The following LDAF1 variants were observed in gnomAD, a reference collection of about 807,000 sequenced individuals.
The protein encoded by LDAF1 is PROMETHIN.
In LDAF1, 7 loss-of-function variants were observed where a neutral mutation model predicts 13.5. That is an observed-to-expected ratio of 0.52 (90% CI 0.29 to 0.97). The LOEUF (loss-of-function observed/expected upper bound fraction) is 0.97, where lower values mean the gene tolerates loss of function less well. LDAF1 is among the 50% of genes least tolerant of loss of function. The pLI is 0.07. For missense variants in LDAF1, 148 were observed against 193.2 expected, an observed-to-expected ratio of 0.77 and a Z score of 1.39; for synonymous variants, 69 against 77.1, an observed-to-expected ratio of 0.89 and a Z score of 0.55.
At position 21,170,361 on chromosome 16, in the gene LDAF1, C is replaced by G. The variant is rs1222609430; in HGVS notation, c.97-76C>G. On this transcript the variant is annotated intron_variant, in intron 2 of 4. Coordinates refer to ENST00000233047, the MANE Select transcript of LDAF1 (RefSeq NM_001301771.2). ...TTTACGACTTCTGCCTTGTAATTCC[C>G]ACAGCTTGGGCAGATTCATTCAACC... The G allele has an allele frequency of 6.9e-6, 11 of 1,588,476 alleles. No individual in the cohort carries two copies. The African/African-American group carries it at 1.3e-4, about 19-fold the overall frequency.
chr16:21,173,151 C>T (rs958432945), intron 3 of LDAF1, among the ~76,000 whole-genome samples: 2 of 152,096 alleles, frequency 1.3e-5, no homozygotes, highest in Admixed American at 1.3e-4. Context: ...ACCAATCAGA[C>T]CTTAAGATTA....
intron 2 of LDAF1, chr16:21,166,879 G>A (rs967027616): frequency 1.3e-6 from 2 of 1,535,740 alleles, no homozygotes; most frequent in Non-Finnish European, 1.7e-6. Context: ...CTCTGATGAT[G>A]GAGTGTCCAG....
intron 4 of LDAF1, among the ~76,000 whole-genome samples, chr16:21,176,952 TC>T (rs2152850848): frequency 6.6e-6 from 1 of 152,036 alleles, no homozygotes; most frequent in South Asian, 2.1e-4. Context: ...AAAATTTTCT[TC>T]CTCATTGTTT....
intron 3 of LDAF1, chr16:21,172,980 C>G (rs1377704455): frequency 1.9e-5 from 5 of 261,666 alleles, no homozygotes; most frequent in African/African-American, 1.2e-4. Flanking sequence ...ACTTGTTCTT[C>G]ATGATCTTTT....
chr16:21,167,696 G>GTTTTTTTTTTTTTTTTTTTTTTT (rs778992036), intron 2 of LDAF1, among the ~76,000 whole-genome samples: 7 of 89,094 alleles, frequency 7.9e-5, no homozygotes, highest in African/African-American at 8.9e-5. Context: ...CCTTAGGTTT[G>GTTTTTTTTTTTTTTTTTTTTTTT]TTTTTTTTTT....
rs760065011 is a variant in LDAF1 at position 21,180,343 on chromosome 16, G to T, written c.*787G>T. On this transcript the variant is annotated 3_prime_UTR_variant, in exon 5 of 5. Coordinates refer to ENST00000233047, the MANE Select transcript of LDAF1 (RefSeq NM_001301771.2). ...CAACTCCCAGGTTCAAGTGAGTCTCGTGCCTCAGCCTCCCAAGTAGCTGGG... is the reference window on the plus strand; with the variant it reads ...CAACTCCCAGGTTCAAGTGAGTCTCTTGCCTCAGCCTCCCAAGTAGCTGGG... The T allele has an allele frequency of 1.4e-5, 2 of 145,392 alleles. No individual in the cohort carries two copies. Among genetic ancestry groups the T allele is most frequent in the East Asian group, 4.1e-4 (2 of 4,918 alleles). 9.0% of individuals were successfully genotyped at this position (145,392 alleles called of 1,614,324 possible). A position where few individuals can be genotyped will look rare whatever the true frequency, so the allele number is the denominator to read the frequency against.
At chr16:21,177,127 C>A (rs1051507167) in intron 4 of LDAF1, 1 of 152,062 alleles carries the variant, frequency 6.6e-6, no homozygotes, top group East Asian at 1.9e-4. Flanking sequence ...TATTATTTTA[C>A]ATTTTACAGA....
intron 4 of LDAF1, among the ~76,000 whole-genome samples, chr16:21,177,619 C>CTTT (rs1025169859): frequency 6.9e-4 from 80 of 115,838 alleles, no homozygotes; most frequent in African/African-American, 8.8e-4. Flanking sequence ...TTAGCGAATT[C>CTTT]TTTTTTTTTT....
At chr16:21,177,895 G>A (rs2093153814) in intron 4 of LDAF1, among the ~76,000 whole-genome samples, 1 of 151,948 alleles carries the variant, frequency 6.6e-6, no homozygotes, top group Admixed American at 6.6e-5. Context: ...TGGGATTATA[G>A]GTGTAAGCCA....
intron 2 of LDAF1, among the ~76,000 whole-genome samples, chr16:21,163,175 T>C (rs948050826): frequency 5.9e-5 from 9 of 152,104 alleles, no homozygotes; most frequent in Admixed American, 2.0e-4. Flanking sequence ...TGGGGACCAT[T>C]TTCAACAGTA....
At chr16:21,170,415 G>C in intron 2 of LDAF1, 22 bp from the exon 3 acceptor site, 1 of 1,613,256 alleles carries the variant, frequency 6.2e-7, no homozygotes, top group Non-Finnish European at 8.5e-7. Context: ...CTTATCCCTG[G>C]CTCTTTGTCC....
At position 21,179,657 on chromosome 16, in the gene LDAF1, C is replaced by G; in HGVS notation, c.*101C>G. On this transcript the variant is annotated 3_prime_UTR_variant, in exon 5 of 5. Transcript: ENST00000233047. ...AAGGGGGCTGGGTAGGCAAGCACTCCTTGGCTGTGTCCTCTCGCTTTTTCA... is the reference window on the plus strand; with the variant it reads ...AAGGGGGCTGGGTAGGCAAGCACTCGTTGGCTGTGTCCTCTCGCTTTTTCA... 1 of 1,001,744 alleles carries G rather than the reference C, an allele frequency of 1.0e-6. No individual in the cohort carries two copies. Among genetic ancestry groups the G allele is most frequent in the Non-Finnish European group, 1.5e-6 (1 of 672,996 alleles). 62.1% of individuals were successfully genotyped at this position (1,001,744 alleles called of 1,614,324 possible). A position where few individuals can be genotyped will look rare whatever the true frequency, so the allele number is the denominator to read the frequency against.
At chr16:21,167,938 G>A (rs1279866634) in intron 2 of LDAF1, among the ~76,000 whole-genome samples, 2 of 148,494 alleles carry the variant, frequency 1.3e-5, no homozygotes, top group Non-Finnish European at 3.0e-5. Context: ...CCCGGGAGGC[G>A]GAGGTTGCAG....
In LDAF1 at chr16:21,161,157, C is replaced by CT; in HGVS notation, c.-25dup. The CT allele has an allele frequency of 6.2e-7, 1 of 1,613,384 alleles. No individual in the cohort carries two copies. Among genetic ancestry groups the CT allele is most frequent in the African/African-American group, 1.3e-5 (1 of 74,966 alleles). Reference sequence around the variant, plus strand: ...AATTTACTGGTAGGATAATTCATCCCTAAAGAGATTGAAGTGAGCTTCAGA... The same window carrying CT: ...AATTTACTGGTAGGATAATTCATCCCTTAAAGAGATTGAAGTGAGCTTCAGA... On this transcript the variant is annotated 5_prime_UTR_variant, in exon 2 of 5. An upstream open reading frame in the 5' UTR loses its in-frame stop. Transcript: ENST00000233047.
chr16:21,165,386 G>A (rs1469006185), intron 2 of LDAF1, among the ~76,000 whole-genome samples: 2 of 152,130 alleles, frequency 1.3e-5, no homozygotes, highest in African/African-American at 2.4e-5. Context: ...ACTCTAGCCT[G>A]GGCAATAGAG....
At chr16:21,168,755 TATA>T (rs1303037602) in intron 2 of LDAF1, among the ~76,000 whole-genome samples, 5 of 130,484 alleles carry the variant, frequency 3.8e-5, no homozygotes, top group Non-Finnish European at 6.4e-5. Context: ...TTTTATATAT[TATA>T]ATTATAAATA....
In LDAF1 at chr16:21,170,497, T is replaced by C; in HGVS notation, c.157T>C (p.Phe53Leu). 6.2e-7 allele frequency: 1 copy of C among 1,614,192 alleles called. No individual in the cohort carries two copies. The highest frequency in any genetic ancestry group is 8.5e-7 in the Non-Finnish European group (1 of 1,180,032). The change falls in exon 3 of 5, where the codon TTC becomes CTC. Residue 53 changes from phenylalanine (F) to leucine (L), a missense_variant. By Grantham distance (22) the Phe-to-Leu change is conservative. Transcript: ENST00000233047. Reference sequence around the variant, plus strand: ...CTTGGACAGCCATCCGTTTCTGGCCTTCACCTTGCTGGTGTTCATTGTCAT... The same window carrying C: ...CTTGGACAGCCATCCGTTTCTGGCCCTCACCTTGCTGGTGTTCATTGTCAT... ...QYLDSHPFLA[F>L]TLLVFIVMSA...
At chr16:21,166,129 T>G (rs1037762860) in intron 2 of LDAF1, among the ~76,000 whole-genome samples, 2 of 152,198 alleles carry the variant, frequency 1.3e-5, no homozygotes, top group South Asian at 4.1e-4. Flanking sequence ...CCCAAAGTGC[T>G]GGGATTACAG....
At chr16:21,171,653 A>C (rs1000094392) in intron 3 of LDAF1, among the ~76,000 whole-genome samples, 14 of 152,192 alleles carry the variant, frequency 9.2e-5, no homozygotes, top group Non-Finnish European at 1.8e-4. Flanking sequence ...ACTTTGCCTC[A>C]GGGTGGGCAA....
Sources: gnomAD v4.1 joint callset for allele counts (sites outside exome capture counted in the v4.1 genomes callset) on GRCh38, gnomAD v4.1.1 for gene constraint, MANE v1.5 for transcripts, NCBI Gene and HGNC (gene_info 2026-07-23, HGNC 2026-07-21) for gene names.